The following JAK2 variants were observed in gnomAD, a reference collection of about 807,000 sequenced individuals.
The protein encoded by JAK2 is tyrosine-protein kinase JAK2.
JAK2 carries 86 observed loss-of-function variants against 139.3 expected under a neutral mutation model. The observed-to-expected ratio is 0.62, with a 90% CI of 0.52 to 0.74. JAK2 has a LOEUF of 0.74. Among genes scored for constraint, JAK2 ranks in the 30% least tolerant of loss-of-function variants. JAK2 has a pLI of 0.00. For synonymous variants in JAK2, 490 were observed against 437.7 expected (o/e 1.12, Z -1.49); for missense variants, 1,421 against 1,360.3 (o/e 1.04, Z -0.70).
At chr9:5,098,265 T>A (rs1272044093) in intron 22 of JAK2, 2 of 152,160 alleles carry the variant, frequency 1.3e-5, no homozygotes, top group African/African-American at 4.8e-5. Context: ...CTCTGTGACT[T>A]TCTCGATAAG....
intron 4 of JAK2, among the ~76,000 whole-genome samples, chr9:5,031,034 GA>G (rs1316547948): frequency 6.6e-6 from 1 of 151,898 alleles, no homozygotes; most frequent in Non-Finnish European, 1.5e-5. Context: ...GTCTTAATAA[GA>G]AAAAACAGAA....
At chr9:5,089,649 C>T in intron 19 of JAK2, 25 bp from the exon 20 acceptor site, 1 of 1,232,312 alleles carries the variant, frequency 8.1e-7, no homozygotes, top group Non-Finnish European at 1.1e-6. Flanking sequence ...TTGGTATTTC[C>T]ATCCTAATGT....
chr9:5,043,796 T>C (rs1176140465), intron 4 of JAK2, among the ~76,000 whole-genome samples: 1 of 152,228 alleles, frequency 6.6e-6, no homozygotes, highest in Non-Finnish European at 1.5e-5. Context: ...ATACATGCTC[T>C]AATGTGGATG....
chr9:5,014,722 A>C (rs1368505950), intron 2 of JAK2, among the ~76,000 whole-genome samples: 1 of 152,202 alleles, frequency 6.6e-6, no homozygotes, highest in East Asian at 1.9e-4. Flanking sequence ...AAATCCTGTA[A>C]AACTAGAATA....
chr9:4,996,009 C>G (rs192803837), intron 2 of JAK2, among the ~76,000 whole-genome samples: 1 of 152,190 alleles, frequency 6.6e-6, no homozygotes, highest in East Asian at 1.9e-4. Context: ...CTGAGGGAAG[C>G]TTGTCATTTC....
In JAK2 at chr9:5,073,737, C is replaced by T. The variant is rs2130556331; in HGVS notation, c.1816C>T (p.His606Tyr). 6.2e-7 allele frequency: 1 copy of T among 1,612,452 alleles called. No homozygotes were observed. The highest frequency in any genetic ancestry group is 1.1e-5 in the South Asian group (1 of 91,032). The change falls in exon 14 of 25, where the codon CAC (histidine) becomes TAC (tyrosine). Residue 606 changes from histidine to tyrosine, a missense_variant. Physicochemically the swap from His to Tyr is moderately conservative, Grantham distance 83 (BLOSUM62 2). Transcript: ENST00000381652. ...EAASMMSKLSHKHLVLNYGVC... is the reference protein window; with the variant it reads ...EAASMMSKLSYKHLVLNYGVC... ...AGCAAGTATGATGAGCAAGCTTTCT[C>T]ACAAGCATTTGGTTTTAAATTATGG...
intron 22 of JAK2, among the ~76,000 whole-genome samples, chr9:5,091,983 C>T (rs1038055743): frequency 4.5e-4 from 68 of 151,962 alleles, no homozygotes; most frequent in African/African-American, 1.6e-3. Flanking sequence ...AGGAATCCGG[C>T]GAAGATACTG....
intron 22 of JAK2, chr9:5,098,309 GT>G (rs1167966961): frequency 6.6e-6 from 1 of 152,170 alleles, no homozygotes; most frequent in Admixed American, 6.5e-5. Context: ...CTTTGTCAAA[GT>G]TAAGTTATAG....
At position 5,034,395 on chromosome 9, in the gene JAK2, T is replaced by C. The variant is rs9886706; in HGVS notation, c.350+4489T>C. On this transcript the variant is annotated intron_variant, in intron 4 of 24. Coordinates refer to ENST00000381652, the MANE Select transcript of JAK2 (RefSeq NM_004972.4). Reference sequence around the variant, plus strand: ...TCAGCTCTGGACCAAGCAGACCTAATAGACATCTACAGAACTCTCCACCCC... The same window carrying C: ...TCAGCTCTGGACCAAGCAGACCTAACAGACATCTACAGAACTCTCCACCCC... Among the ~76,000 whole-genome samples the C allele has an allele frequency of 2.0e-3, 310 of 152,262 alleles. 1 individual carries two copies. The highest frequency in any genetic ancestry group is 7.1e-3 in the African/African-American group (294 of 41,548).
At chr9:5,110,794 C>A (rs556797807) in intron 22 of JAK2, 1 of 411,028 alleles carries the variant, frequency 2.4e-6, no homozygotes, top group Admixed American at 3.3e-5. Flanking sequence ...CCGGGCCACG[C>A]GCGACGCCTG....
intron 2 of JAK2, among the ~76,000 whole-genome samples, chr9:5,013,722 C>T (rs1426666882): frequency 2.0e-5 from 3 of 152,182 alleles, no homozygotes; most frequent in African/African-American, 7.2e-5. Context: ...TAAAACCTTT[C>T]TTTGTTTTAA....
At chr9:5,078,063 T>A (rs924202921) in intron 15 of JAK2, among the ~76,000 whole-genome samples, 2 of 152,320 alleles carry the variant, frequency 1.3e-5, no homozygotes, top group Admixed American at 6.5e-5. Flanking sequence ...TTAGAACTCA[T>A]GTGAAATGGC....
intron 22 of JAK2, among the ~76,000 whole-genome samples, chr9:5,092,055 T>C (rs757230348): frequency 4.6e-5 from 7 of 152,198 alleles, no homozygotes; most frequent in Admixed American, 2.6e-4. Flanking sequence ...ACAATCAGAA[T>C]TGTAAAACAA....
At chr9:5,059,653 A>G (rs1169173275) in intron 8 of JAK2, among the ~76,000 whole-genome samples, 1 of 151,958 alleles carries the variant, frequency 6.6e-6, no homozygotes, top group East Asian at 1.9e-4. Flanking sequence ...CTATCAGTTC[A>G]CTCTTCTTTC....
At chr9:4,990,977 T>C (rs1820209259) in intron 2 of JAK2, among the ~76,000 whole-genome samples, 1 of 152,212 alleles carries the variant, frequency 6.6e-6, no homozygotes, top group Non-Finnish European at 1.5e-5. Context: ...TCGTCTTATA[T>C]ATCACACTGT....
chr9:5,099,583 C>T (rs1047820777), intron 22 of JAK2: 15 of 152,206 alleles, frequency 9.9e-5, no homozygotes, highest in Non-Finnish European at 1.9e-4. Context: ...CTATTCATCT[C>T]TTTTGCTACC....
intron 2 of JAK2, among the ~76,000 whole-genome samples, chr9:5,008,632 CAG>C (rs1158687422): frequency 2.0e-5 from 3 of 152,162 alleles, no homozygotes; most frequent in African/African-American, 7.2e-5. Flanking sequence ...TCTGAGTAGA[CAG>C]AGATAAACTG....
chr9:5,020,603 A>C (rs932212637), intron 2 of JAK2, among the ~76,000 whole-genome samples: 1 of 152,098 alleles, frequency 6.6e-6, no homozygotes, highest in Non-Finnish European at 1.5e-5. Flanking sequence ...GAGGCTGTAG[A>C]TGTGATGAAG....
intron 22 of JAK2, among the ~76,000 whole-genome samples, chr9:5,116,604 T>C (rs1177682952): frequency 6.6e-6 from 1 of 152,220 alleles, no homozygotes; most frequent in African/African-American, 2.4e-5. Flanking sequence ...ATATGAAGAT[T>C]CAGAGATTTG....
Sources: gnomAD v4.1 joint callset for allele counts (sites outside exome capture counted in the v4.1 genomes callset) on GRCh38, gnomAD v4.1.1 for gene constraint, MANE v1.5 for transcripts, NCBI Gene and HGNC (gene_info 2026-07-23, HGNC 2026-07-21) for gene names.